ANKFN1: variants seen among roughly 807,000 people sequenced by gnomAD.
ANKFN1 encodes ankyrin repeat and fibronectin type-III domain-containing protein 1.
Under a neutral mutation model 108.7 loss-of-function variants are expected in ANKFN1, and 74 were observed. That is an observed-to-expected ratio of 0.68 (90% CI 0.56 to 0.83). The LOEUF is 0.83. Among genes scored for constraint, ANKFN1 ranks in the 40% least tolerant of loss-of-function variants. ANKFN1 has a pLI of 0.00. For missense variants in ANKFN1, 1,505 were observed against 1,382.3 expected (o/e 1.09, Z -1.41); for synonymous variants, 547 against 516.2 (o/e 1.06, Z -0.81).
chr17:56,238,671 T>G (rs1490409713), intron 3 of ANKFN1, among the ~76,000 whole-genome samples: 1 of 152,126 alleles, frequency 6.6e-6, no homozygotes, highest in Non-Finnish European at 1.5e-5. Flanking sequence ...AGCCTATGGG[T>G]GTCATTATAT....
chr17:56,423,784 T>C (rs1381396371), intron 8 of ANKFN1, among the ~76,000 whole-genome samples: 1 of 152,206 alleles, frequency 6.6e-6, no homozygotes, highest in African/African-American at 2.4e-5. Flanking sequence ...GTGCCTGTTA[T>C]AGGGAGCATC....
At chr17:56,196,049 T>C (rs185113084) in intron 1 of ANKFN1, among the ~76,000 whole-genome samples, 187 of 152,262 alleles carry the variant, frequency 1.2e-3, no homozygotes, top group Admixed American at 2.9e-3. Flanking sequence ...GGAGGATCGC[T>C]TGAGACCAGG....
rs78264413 is a variant in ANKFN1, at chr17:56,377,613, A to G, written c.910+2899A>G. On this transcript the variant is annotated intron_variant, in intron 8 of 20. Transcript: ENST00000682825. ...ACCTACAGTTATTTCAGATGCTTCGATGCTTTGGACAATTGCCAGAAGTTT... is the reference window on the plus strand; with the variant it reads ...ACCTACAGTTATTTCAGATGCTTCGGTGCTTTGGACAATTGCCAGAAGTTT... 6.7e-3 allele frequency among the ~76,000 whole-genome samples: 1,026 copies of G among 152,298 alleles called. 9 individuals carry two copies. Among genetic ancestry groups the G allele is most frequent in the African/African-American group, 0.023 (941 of 41,556 alleles).
rs2145518830 is a variant in ANKFN1, at chr17:56,515,920, A to C, written c.*4651A>C. The stretch of plus-strand genomic sequence containing the variant: ...GAAAAATATTCTATTGTGATAAAGG[A>C]AGTAGATTTGTTGTTGTTTTAAATA... On this transcript the variant is annotated 3_prime_UTR_variant, in exon 21 of 21. Coordinates refer to ENST00000682825, the MANE Select transcript of ANKFN1 (RefSeq NM_001370326.1). 6.6e-6 allele frequency among the ~76,000 whole-genome samples: 1 copy of C among 152,328 alleles called. No homozygotes were observed. The highest frequency in any genetic ancestry group is 6.5e-5 in the Admixed American group (1 of 15,302).
intron 15 of ANKFN1, among the ~76,000 whole-genome samples, chr17:56,476,379 T>C (rs1289371007): frequency 6.6e-6 from 1 of 152,214 alleles, no homozygotes; most frequent in Non-Finnish European, 1.5e-5. Flanking sequence ...AATAGTTCAC[T>C]GGAGAACTGA....
intron 3 of ANKFN1, among the ~76,000 whole-genome samples, chr17:56,297,747 A>G (rs2044555624): frequency 1.3e-5 from 2 of 152,176 alleles, no homozygotes; most frequent in East Asian, 1.9e-4. Flanking sequence ...GTGCCTCACA[A>G]CCTTAGGTGT....
chr17:56,333,125 C>A (rs919637078), intron 4 of ANKFN1, among the ~76,000 whole-genome samples: 6 of 151,964 alleles, frequency 3.9e-5, no homozygotes, highest in African/African-American at 9.6e-5. Flanking sequence ...TGAAGACTAT[C>A]TCATTTCTTT....
intron 3 of ANKFN1, among the ~76,000 whole-genome samples, chr17:56,267,237 G>A (rs2043676097): frequency 6.6e-6 from 1 of 152,174 alleles, no homozygotes; most frequent in African/African-American, 2.4e-5. Flanking sequence ...ACTGTAAGAA[G>A]TGTCTGTTCA....
At chr17:56,457,077 T>C in intron 12 of ANKFN1, 117 bp downstream of exon 12, 1 of 1,205,188 alleles carries the variant, frequency 8.3e-7, no homozygotes, top group Non-Finnish European at 1.2e-6. Flanking sequence ...AATTCACTTT[T>C]CTCCTGAGAA....
intron 3 of ANKFN1, among the ~76,000 whole-genome samples, chr17:56,281,853 T>G (rs1471120413): frequency 2.0e-5 from 3 of 152,204 alleles, no homozygotes; most frequent in Non-Finnish European, 2.9e-5. Context: ...GGTAAAGATG[T>G]AGACAACTAG....
At chr17:56,149,420 GA>G (rs1908461481), upstream of ANKFN1, among the ~76,000 whole-genome samples, 1 of 152,140 alleles carries the variant, frequency 6.6e-6, no homozygotes, top group Non-Finnish European at 1.5e-5. Flanking sequence ...GGAAAAGGAA[GA>G]GCTGAAATGG....
chr17:56,064,458 C>T (rs1170859773), intron 4 of ANKFN1, among the ~76,000 whole-genome samples: 1 of 152,192 alleles, frequency 6.6e-6, no homozygotes, highest in East Asian at 1.9e-4. Context: ...CAGGGAAGCC[C>T]TGCCCAGTGA....
At chr17:56,490,200 A>G (rs2050989984) in intron 18 of ANKFN1, among the ~76,000 whole-genome samples, 1 of 152,218 alleles carries the variant, frequency 6.6e-6, no homozygotes, top group South Asian at 2.1e-4. Flanking sequence ...CATAAGTACA[A>G]TGTAGTAGGA....
At chr17:56,273,581 G>A (rs546757162) in intron 3 of ANKFN1, among the ~76,000 whole-genome samples, 135 of 152,176 alleles carry the variant, frequency 8.9e-4, no homozygotes, top group African/African-American at 3.1e-3. Context: ...ATTCACATAT[G>A]TAATTAGTGC....
chr17:56,148,016 T>A (rs891930487), intron 4 of ANKFN1, among the ~76,000 whole-genome samples: 1 of 152,206 alleles, frequency 6.6e-6, no homozygotes. Flanking sequence ...GTTACTCCTG[T>A]CTTACAGATA....
chr17:56,177,474 G>A (rs1232071400), intron 1 of ANKFN1, among the ~76,000 whole-genome samples: 1 of 152,194 alleles, frequency 6.6e-6, no homozygotes, highest in Non-Finnish European at 1.5e-5. Context: ...GGAGACTCCT[G>A]TTCCATCTTC....
At chr17:56,212,755 G>A (rs1915111326) in intron 2 of ANKFN1, among the ~76,000 whole-genome samples, 76 bp downstream of exon 2, 1 of 152,188 alleles carries the variant, frequency 6.6e-6, no homozygotes, top group South Asian at 2.1e-4. Flanking sequence ...TGGATCAGCT[G>A]AGCTAGTAGT....
intron 1 of ANKFN1, among the ~76,000 whole-genome samples, chr17:56,185,582 A>C (rs1332736720): frequency 6.6e-6 from 1 of 152,140 alleles, no homozygotes; most frequent in Non-Finnish European, 1.5e-5. Flanking sequence ...GACCTATAAA[A>C]CTTGTAGGAG....
At chr17:56,291,253 C>T (rs2044355642) in intron 3 of ANKFN1, among the ~76,000 whole-genome samples, 1 of 152,144 alleles carries the variant, frequency 6.6e-6, no homozygotes, top group African/African-American at 2.4e-5. Flanking sequence ...TTTTTTATAT[C>T]TCCCTAAATT....
Sources: allele counts gnomAD v4.1 joint callset (sites outside exome capture counted in the v4.1 genomes callset), GRCh38; gene constraint gnomAD v4.1.1; transcripts MANE v1.5; gene names NCBI Gene and HGNC (gene_info 2026-07-23, HGNC 2026-07-21).